SIK2: variants seen among roughly 807,000 people sequenced by gnomAD.
SIK2 encodes the protein serine/threonine-protein kinase SIK2.
Under a neutral mutation model 103.2 loss-of-function variants are expected in SIK2, and 29 were observed. The ratio of observed to expected loss-of-function variants is 0.28; its 90% confidence interval spans 0.21 to 0.38. The LOEUF is 0.38. Among genes scored for constraint, SIK2 ranks in the 10% least tolerant of loss-of-function variants. SIK2 has a pLI of 1.00. For missense variants in SIK2, 879 were observed against 1,171.0 expected, an observed-to-expected ratio of 0.75 and a Z score of 3.64; for synonymous variants, 412 against 446.1, an observed-to-expected ratio of 0.92 and a Z score of 0.96.
chr11:111,645,742 G>A (rs1014828596), intron 3 of SIK2, among the ~76,000 whole-genome samples: 1 of 151,990 alleles, frequency 6.6e-6, no homozygotes, highest in African/African-American at 2.4e-5. Context: ...TTGAACCCAG[G>A]AGGCGGAGGT....
At chr11:111,625,181 G>A (rs754743810) in intron 3 of SIK2, among the ~76,000 whole-genome samples, 1 of 152,116 alleles carries the variant, frequency 6.6e-6, no homozygotes, top group African/African-American at 2.4e-5. Flanking sequence ...AACCATTTTC[G>A]GCTGGATTTC....
At chr11:111,715,298 T>C (rs1461717073) in intron 9 of SIK2, among the ~76,000 whole-genome samples, 1 of 152,144 alleles carries the variant, frequency 6.6e-6, no homozygotes, top group East Asian at 1.9e-4. Context: ...TTGGGGCCCA[T>C]AAATAAGTGC....
Position 111,722,020 on chromosome 11 carries a change from C to G in SIK2, c.2055+80C>G. On this transcript the variant is annotated intron_variant, in intron 13 of 14. Coordinates refer to ENST00000304987, the MANE Select transcript of SIK2 (RefSeq NM_015191.3). This position sits in a 1 kb window ranked among gnomAD's most constrained non-coding sequence, Gnocchi z 4.4. ...TCTGCAAAGCAGAAACGTGTTTTGC[C>G]TGGCATTTATTTAGGGTAGCTGCTT... The G allele has an allele frequency of 3.5e-6, 4 of 1,132,932 alleles. No individual in the cohort carries two copies. The highest frequency in any genetic ancestry group is 4.9e-6 in the Non-Finnish European group (4 of 821,746). The allele number at this position is 1,132,932 out of a possible 1,614,324, so 70.2% of individuals were successfully genotyped here. A position where few individuals can be genotyped will look rare whatever the true frequency, so the allele number is the denominator to read the frequency against.
At position 111,602,567 on chromosome 11, in the gene SIK2, G is replaced by A; in HGVS notation, c.4G>A (p.Val2Ile). 2.0e-6 allele frequency: 3 copies of A among 1,524,878 alleles called. No homozygotes were observed. Among genetic ancestry groups the A allele is most frequent in the Non-Finnish European group, 2.6e-6 (3 of 1,136,566 alleles). The allele number at this position is 1,524,878 out of a possible 1,614,324, so 94.5% of individuals were successfully genotyped here. The change falls in exon 1 of 15, where the codon GTC (valine) becomes ATC (isoleucine). Residue 2 changes from valine (V) to isoleucine (I), a missense_variant. Val to Ile is a conservative substitution (Grantham distance 29). Coordinates refer to ENST00000304987, the MANE Select transcript of SIK2 (RefSeq NM_015191.3). This position sits in a 1 kb window ranked among gnomAD's most constrained non-coding sequence, Gnocchi z 4.5. M[V>I]MADGPRHLQR... ...GTGTCTAGCAGCGGGGCCCAGCATG[G>A]TCATGGCGGATGGCCCGAGGCACTT... is the stretch of plus-strand genomic sequence containing the variant.
At chr11:111,683,371 G>T (rs1214326124) in intron 3 of SIK2, 1 of 152,158 alleles carries the variant, frequency 6.6e-6, no homozygotes, top group Non-Finnish European at 1.5e-5. Flanking sequence ...TAAGCAGTTA[G>T]TATAGACAGT....
chr11:111,656,485 T>C (rs1009998034), intron 3 of SIK2, among the ~76,000 whole-genome samples: 25 of 152,334 alleles, frequency 1.6e-4, no homozygotes, highest in African/African-American at 6.0e-4. Flanking sequence ...ACTCTCCCTC[T>C]GTACAACTCA....
chr11:111,604,633 G>A (rs2135826251), intron 1 of SIK2, among the ~76,000 whole-genome samples: 1 of 152,302 alleles, frequency 6.6e-6, no homozygotes, highest in Admixed American at 6.5e-5. Flanking sequence ...TGAGATCAAT[G>A]CATTCATTTG....
intron 4 of SIK2, among the ~76,000 whole-genome samples, chr11:111,689,011 A>C (rs919430800): frequency 6.6e-6 from 1 of 152,232 alleles, no homozygotes; most frequent in Non-Finnish European, 1.5e-5. Context: ...GGGAAGCTTC[A>C]CAAAGAAGGA....
At chr11:111,609,434 A>C (rs1401542426) in intron 1 of SIK2, among the ~76,000 whole-genome samples, 1 of 151,800 alleles carries the variant, frequency 6.6e-6, no homozygotes, top group African/African-American at 2.4e-5. Flanking sequence ...TGATCTTCCC[A>C]CTTCAGCCTT....
chr11:111,604,131 AATG>A (rs1308383310), intron 1 of SIK2, among the ~76,000 whole-genome samples: 1 of 152,284 alleles, frequency 6.6e-6, no homozygotes, highest in Non-Finnish European at 1.5e-5. Flanking sequence ...TTGTAATGAT[AATG>A]ATAACTTGAC....
intron 8 of SIK2, among the ~76,000 whole-genome samples, chr11:111,711,920 T>C (rs1943507836): frequency 6.6e-6 from 1 of 152,264 alleles, no homozygotes; most frequent in Non-Finnish European, 1.5e-5. Flanking sequence ...AGGAACATTC[T>C]TGATTCCTCA....
intron 9 of SIK2, among the ~76,000 whole-genome samples, chr11:111,713,740 G>T (rs1344397365): frequency 6.6e-6 from 1 of 152,170 alleles, no homozygotes; most frequent in Non-Finnish European, 1.5e-5. Context: ...AGGCCAAGGC[G>T]GACAGATCAT....
In SIK2 at chr11:111,730,515, G is replaced by A. The variant is rs1442789674; in HGVS notation, c.*6386G>A. 1.3e-5 allele frequency: 2 copies of A among 152,154 alleles called. No homozygotes were observed. Among genetic ancestry groups the A allele is most frequent in the East Asian group, 1.9e-4 (1 of 5,194 alleles). 9.4% of individuals were successfully genotyped at this position (152,154 alleles called of 1,614,324 possible). On this transcript the variant is annotated 3_prime_UTR_variant, in exon 15 of 15. Transcript: ENST00000304987. ...ATTTGCTTATATCTGAAGGGAGGTG[G>A]GTGGTTTTGCTGGATGTTTGGTCTG...
At chr11:111,606,646 T>G (rs1251779323) in intron 1 of SIK2, among the ~76,000 whole-genome samples, 1 of 152,142 alleles carries the variant, frequency 6.6e-6, no homozygotes, top group Non-Finnish European at 1.5e-5. Context: ...TAATACGCAG[T>G]GAATATTTTT....
At chr11:111,707,009 G>C (rs971196470) in intron 8 of SIK2, among the ~76,000 whole-genome samples, 1 of 149,968 alleles carries the variant, frequency 6.7e-6, no homozygotes, top group Non-Finnish European at 1.5e-5. Flanking sequence ...GTAAAATAAT[G>C]TGTCCATATA....
At chr11:111,668,081 G>A (rs1049433321) in intron 3 of SIK2, among the ~76,000 whole-genome samples, 3 of 152,108 alleles carry the variant, frequency 2.0e-5, no homozygotes, top group Admixed American at 2.0e-4. Flanking sequence ...TGAAGGATGA[G>A]CAGGAATTCT....
chr11:111,621,373 C>A (rs562783242), intron 3 of SIK2, among the ~76,000 whole-genome samples: 4 of 152,258 alleles, frequency 2.6e-5, no homozygotes, highest in African/African-American at 9.6e-5. Context: ...GGTCTAGCTT[C>A]TTTCCTTTAC....
At chr11:111,611,813 C>T (rs535762754) in intron 1 of SIK2, among the ~76,000 whole-genome samples, 2 of 152,208 alleles carry the variant, frequency 1.3e-5, no homozygotes, top group Admixed American at 6.5e-5. Flanking sequence ...TGTTACCATG[C>T]AGATTTTGTC....
intron 12 of SIK2, among the ~76,000 whole-genome samples, chr11:111,721,319 C>T (rs939776092): frequency 2.6e-5 from 4 of 152,182 alleles, no homozygotes; most frequent in Non-Finnish European, 4.4e-5. Flanking sequence ...GGGCAGAGTA[C>T]AGATGAGTGA....
Sources: allele counts gnomAD v4.1 joint callset (sites outside exome capture counted in the v4.1 genomes callset), GRCh38; gene constraint gnomAD v4.1.1; non-coding constraint Gnocchi (gnomAD v3.1); transcripts MANE v1.5; gene names NCBI Gene and HGNC (gene_info 2026-07-23, HGNC 2026-07-21).